ANKS1B: variants seen among roughly 807,000 people sequenced by gnomAD.
ANKS1B encodes ankyrin repeat and sterile alpha motif domain-containing protein 1B.
ANKS1B carries 36 observed loss-of-function variants against 148.3 expected under a neutral mutation model. The observed-to-expected ratio is 0.24, with a 90% CI of 0.19 to 0.32. ANKS1B has a LOEUF of 0.32. Among genes scored for constraint, ANKS1B ranks in the 10% least tolerant of loss-of-function variants. The probability of loss-of-function intolerance (pLI) is 1.00; values close to 1 mark genes in which losing one functional copy is unlikely to be tolerated. For synonymous variants in ANKS1B, 542 were observed against 560.8 expected (o/e 0.97, Z 0.47); for missense variants, 1,157 against 1,542.6 (o/e 0.75, Z 4.19).
At chr12:99,243,178 A>T (rs1010094133) in intron 14 of ANKS1B, among the ~76,000 whole-genome samples, 1 of 152,244 alleles carries the variant, frequency 6.6e-6, no homozygotes, top group Non-Finnish European at 1.5e-5. Context: ...ACAAATTTAC[A>T]AGAGAAAAAC....
intron 17 of ANKS1B, among the ~76,000 whole-genome samples, chr12:99,036,188 C>T (rs144330382): frequency 1.3e-5 from 2 of 152,274 alleles, no homozygotes; most frequent in East Asian, 1.9e-4. Flanking sequence ...CTGACAACTA[C>T]CATGACTGAA....
At chr12:98,933,628 C>T (rs1001379222) in intron 17 of ANKS1B, among the ~76,000 whole-genome samples, 3 of 151,988 alleles carry the variant, frequency 2.0e-5, no homozygotes, top group African/African-American at 7.2e-5. Flanking sequence ...CAGTGTGGAG[C>T]GGTCTCAATT....
chr12:99,211,858 C>T (rs77649120), intron 14 of ANKS1B, among the ~76,000 whole-genome samples: 1 of 152,078 alleles, frequency 6.6e-6, no homozygotes, highest in Non-Finnish European at 1.5e-5. Flanking sequence ...GATTAGCAAC[C>T]CAAGCAGACA....
At chr12:99,703,991 T>C (rs912323071) in intron 8 of ANKS1B, among the ~76,000 whole-genome samples, 11 of 152,138 alleles carry the variant, frequency 7.2e-5, no homozygotes, top group African/African-American at 2.7e-4. Context: ...TGATAGCGTA[T>C]CAAGAATAAT....
rs386377539 is a variant in ANKS1B, at chr12:99,088,838, G to GTTTTTTTTTTT, written c.2527-3826_2527-3816dup. Among the ~76,000 whole-genome samples the GTTTTTTTTTTT allele has an allele frequency of 2.5e-3, 175 of 69,840 alleles. 18 individuals carry two copies. The highest frequency in any genetic ancestry group is 5.1e-3 in the African/African-American group (81 of 15,942). 45.8% of individuals were successfully genotyped at this position (69,840 alleles called of 152,430 possible). On this transcript the variant is annotated intron_variant, in intron 15 of 26. Coordinates refer to ENST00000683438, the MANE Select transcript of ANKS1B (RefSeq NM_001352186.2). ...GCTAGCAAATCTCAGTTTAACTTCT[G>GTTTTTTTTTTT]TTTTTTTTTTTTTTTTTTTTTTTTG...
intron 14 of ANKS1B, 55 bp downstream of exon 14, chr12:99,244,287 C>T: frequency 8.2e-7 from 1 of 1,216,636 alleles, no homozygotes; most frequent in South Asian, 1.4e-5. Flanking sequence ...CTATCATTTT[C>T]TCACTACTCC....
At chr12:99,691,071 G>A (rs1023183286) in intron 8 of ANKS1B, among the ~76,000 whole-genome samples, 1 of 152,234 alleles carries the variant, frequency 6.6e-6, no homozygotes, top group Admixed American at 6.5e-5. Context: ...AAGGCTTGGG[G>A]CTTGCACCCT....
intron 1 of ANKS1B, among the ~76,000 whole-genome samples, chr12:99,832,733 A>G (rs778973708): frequency 1.1e-4 from 16 of 150,906 alleles, no homozygotes; most frequent in African/African-American, 1.9e-4. Flanking sequence ...TTAAAAAAAA[A>G]AGAGAGAGAG....
At chr12:99,106,631 A>G (rs897617430) in intron 15 of ANKS1B, among the ~76,000 whole-genome samples, 2 of 152,222 alleles carry the variant, frequency 1.3e-5, no homozygotes, top group African/African-American at 2.4e-5. Context: ...TGATATCTTG[A>G]TACAAGCATA....
intron 17 of ANKS1B, among the ~76,000 whole-genome samples, chr12:99,052,373 C>A (rs1466962125): frequency 6.6e-6 from 1 of 152,122 alleles, no homozygotes; most frequent in African/African-American, 2.4e-5. Context: ...AATACAGCAG[C>A]CTATTTAGTA....
intron 15 of ANKS1B, among the ~76,000 whole-genome samples, chr12:99,085,960 T>C (rs555523844): frequency 7.9e-5 from 12 of 152,194 alleles, no homozygotes; most frequent in Admixed American, 1.3e-4. Flanking sequence ...CAAAGCCCCA[T>C]GACACAAGTT....
chr12:99,562,658 A>G (rs2097348978), intron 9 of ANKS1B, among the ~76,000 whole-genome samples: 1 of 152,188 alleles, frequency 6.6e-6, no homozygotes, highest in Non-Finnish European at 1.5e-5. Context: ...GTGGCAGGAG[A>G]GTGAAGTGCT....
chr12:99,467,283 T>C (rs1175406608), intron 10 of ANKS1B, among the ~76,000 whole-genome samples: 1 of 152,076 alleles, frequency 6.6e-6, no homozygotes, highest in African/African-American at 2.4e-5. Context: ...ATTGATGGGT[T>C]GTATCGCAAA....
intron 12 of ANKS1B, among the ~76,000 whole-genome samples, chr12:99,387,727 G>A (rs1207662679): frequency 6.6e-6 from 1 of 151,984 alleles, no homozygotes; most frequent in Non-Finnish European, 1.5e-5. Flanking sequence ...ATCTGCTGGT[G>A]CCTCGGTGTG....
intron 17 of ANKS1B, among the ~76,000 whole-genome samples, chr12:99,037,566 A>G (rs189640293): frequency 2.0e-4 from 31 of 152,268 alleles, no homozygotes; most frequent in Non-Finnish European, 3.4e-4. Context: ...TATCAAAAGC[A>G]TCTATGGCAC....
intron 14 of ANKS1B, among the ~76,000 whole-genome samples, chr12:99,225,552 C>G (rs1365384108): frequency 6.6e-6 from 1 of 152,134 alleles, no homozygotes; most frequent in Non-Finnish European, 1.5e-5. Context: ...AGATCACCCT[C>G]AATCTGGGTG....
chr12:99,325,351 C>G (rs1022839409), intron 12 of ANKS1B, among the ~76,000 whole-genome samples: 1 of 152,000 alleles, frequency 6.6e-6, no homozygotes, highest in Non-Finnish European at 1.5e-5. Flanking sequence ...ATCATTGATG[C>G]TTTATGAAGA....
intron 1 of ANKS1B, among the ~76,000 whole-genome samples, chr12:99,854,870 CCAG>C (rs1367220554): frequency 1.1e-4 from 16 of 152,110 alleles, no homozygotes; most frequent in South Asian, 2.1e-4. Flanking sequence ...CACTACCAAG[CCAG>C]CACTAAAAGA....
At chr12:98,885,820 T>A (rs2099738497) in intron 17 of ANKS1B, among the ~76,000 whole-genome samples, 1 of 152,134 alleles carries the variant, frequency 6.6e-6, no homozygotes, top group Non-Finnish European at 1.5e-5. Context: ...TTTCTTTAGG[T>A]TGCAGAAAAG....
Sources: allele counts gnomAD v4.1 joint callset (sites outside exome capture counted in the v4.1 genomes callset), GRCh38; gene constraint gnomAD v4.1.1; transcripts MANE v1.5; gene names NCBI Gene and HGNC (gene_info 2026-07-23, HGNC 2026-07-21).